The following PCDH15 variants were observed in gnomAD, a reference collection of about 807,000 sequenced individuals.
PCDH15 encodes protocadherin-15.
A neutral mutation model predicts 178.5 loss-of-function variants in PCDH15; 129 were observed. The ratio of observed to expected loss-of-function variants is 0.72; its 90% CI spans 0.63 to 0.84. The LOEUF is 0.84. PCDH15 is among the 40% of genes least tolerant of loss of function. The probability of loss-of-function intolerance (pLI) is 0.00; values close to 1 mark genes in which losing one functional copy is unlikely to be tolerated. For synonymous variants in PCDH15, 800 were observed against 732.0 expected, an observed-to-expected ratio of 1.09 and a Z score of -1.50; for missense variants, 2,230 against 2,099.9, an observed-to-expected ratio of 1.06 and a Z score of -1.21.
At chr10:54,369,055 T>G (rs1947241909) in intron 5 of PCDH15, 65 bp downstream of exon 5, 1 of 1,536,048 alleles carries the variant, frequency 6.5e-7, no homozygotes, top group East Asian at 2.3e-5. Context: ...TTATAAACAT[T>G]TATTGTATAT....
At chr10:54,342,299 CATGGCATCCT>C (rs1565018974) in intron 6 of PCDH15, among the ~76,000 whole-genome samples, 1 of 152,178 alleles carries the variant, frequency 6.6e-6, no homozygotes, top group Non-Finnish European at 1.5e-5. Flanking sequence ...AGCCTTAGGA[CATGGCATCCT>C]ATGTCCCTGC....
chr10:54,532,477 G>A (rs1565523043), intron 2 of PCDH15, among the ~76,000 whole-genome samples: 1 of 151,902 alleles, frequency 6.6e-6, no homozygotes, highest in Non-Finnish European at 1.5e-5. Context: ...ATGATTACTT[G>A]ATTCTTCACA....
At chr10:54,238,422 A>G (rs1354476249) in intron 8 of PCDH15, among the ~76,000 whole-genome samples, 1 of 152,030 alleles carries the variant, frequency 6.6e-6, no homozygotes, top group Non-Finnish European at 1.5e-5. Flanking sequence ...TAGACATTGT[A>G]TGGGGTTTCT....
chr10:55,490,115 T>C (rs1840379867), intron 2 of PCDH15, among the ~76,000 whole-genome samples: 1 of 151,700 alleles, frequency 6.6e-6, no homozygotes, highest in Non-Finnish European at 1.5e-5. Context: ...CTGTCATGCA[T>C]GTAAAAAGGG....
At chr10:54,807,796 A>G (rs1049927927) in intron 3 of PCDH15, among the ~76,000 whole-genome samples, 3 of 150,684 alleles carry the variant, frequency 2.0e-5, no homozygotes, top group Non-Finnish European at 4.4e-5. Context: ...AAGCTATTTA[A>G]TAGGTAATGA....
intron 2 of PCDH15, among the ~76,000 whole-genome samples, chr10:54,626,872 G>A (rs1182258480): frequency 6.6e-6 from 1 of 152,188 alleles, no homozygotes; most frequent in Admixed American, 6.5e-5. Flanking sequence ...AGCTGGGAAT[G>A]AGACTGTAGC....
At chr10:55,060,667 C>A (rs548098315) in intron 2 of PCDH15, among the ~76,000 whole-genome samples, 42 of 151,362 alleles carry the variant, frequency 2.8e-4, no homozygotes, top group Non-Finnish European at 5.2e-4. Context: ...ATAGGGGAAG[C>A]AAAATAAAAT....
At chr10:54,992,020 C>T (rs1839512959) in intron 2 of PCDH15, among the ~76,000 whole-genome samples, 7 of 151,660 alleles carry the variant, frequency 4.6e-5, no homozygotes. Context: ...ATTATTTCCC[C>T]AAAATTAAAA....
At chr10:54,920,653 G>A (rs578080370) in intron 2 of PCDH15, among the ~76,000 whole-genome samples, 101 of 152,012 alleles carry the variant, frequency 6.6e-4, no homozygotes, top group Non-Finnish European at 9.9e-4. Context: ...TATTGAACCC[G>A]CAGAATACAC....
At chr10:54,376,203 T>C (rs1948405422) in intron 4 of PCDH15, among the ~76,000 whole-genome samples, 2 of 152,038 alleles carry the variant, frequency 1.3e-5, no homozygotes, top group South Asian at 4.1e-4. Flanking sequence ...CCCATATTTT[T>C]TATTTTGATT....
intron 26 of PCDH15, among the ~76,000 whole-genome samples, chr10:53,888,664 GATATATATATATATAT>G (rs59914675): frequency 0.056 from 950 of 17,010 alleles, 61 homozygotes; most frequent in African/African-American, 0.089. Context: ...AGTTAAGTTT[GATATATATATATATAT>G]ATATATATAT....
intron 11 of PCDH15, among the ~76,000 whole-genome samples, chr10:54,187,528 T>C (rs1336821379): frequency 6.6e-6 from 1 of 151,864 alleles, no homozygotes; most frequent in African/African-American, 2.4e-5. Flanking sequence ...CAATACTCCA[T>C]AAATAGACTT....
At chr10:54,064,452 C>A (rs1424874714) in intron 18 of PCDH15, among the ~76,000 whole-genome samples, 1 of 152,176 alleles carries the variant, frequency 6.6e-6, no homozygotes, top group Non-Finnish European at 1.5e-5. Flanking sequence ...TTCAGGCCAT[C>A]CCTGGCTTGA....
chr10:54,546,312 A>C (rs1046266489), intron 2 of PCDH15, among the ~76,000 whole-genome samples: 1 of 152,178 alleles, frequency 6.6e-6, no homozygotes, highest in Non-Finnish European at 1.5e-5. Flanking sequence ...TGGGATGAGT[A>C]ATTCTCATGG....
intron 15 of PCDH15, among the ~76,000 whole-genome samples, chr10:54,127,851 C>T (rs1005994713): frequency 3.3e-5 from 5 of 152,116 alleles, no homozygotes; most frequent in African/African-American, 1.2e-4. Context: ...AATGATGTCT[C>T]AATTTATGTC....
chr10:54,085,135 CAG>C (rs1376333982), intron 16 of PCDH15, among the ~76,000 whole-genome samples: 1 of 151,916 alleles, frequency 6.6e-6, no homozygotes, highest in African/African-American at 2.4e-5. Flanking sequence ...GCTGAGCTGT[CAG>C]GGAATAAAAT....
chr10:53,890,748 T>C (rs745554481), intron 26 of PCDH15, among the ~76,000 whole-genome samples: 50 of 152,310 alleles, frequency 3.3e-4, no homozygotes, highest in Middle Eastern at 6.8e-3. Flanking sequence ...AATCCAGGCA[T>C]TTCATTGCCT....
At chr10:55,111,567 G>A (rs560348937) in intron 2 of PCDH15, among the ~76,000 whole-genome samples, 1 of 152,120 alleles carries the variant, frequency 6.6e-6, no homozygotes, top group African/African-American at 2.4e-5. Context: ...CTTTTTGACG[G>A]GTGCAGTGGC....
intron 7 of PCDH15, among the ~76,000 whole-genome samples, chr10:54,326,463 C>G (rs1175886588): frequency 6.6e-6 from 1 of 151,982 alleles, no homozygotes; most frequent in Non-Finnish European, 1.5e-5. Flanking sequence ...AGTAAAGTAC[C>G]AGTATTTTAG....
Sources: allele counts gnomAD v4.1 joint callset (sites outside exome capture counted in the v4.1 genomes callset), GRCh38; gene constraint gnomAD v4.1.1; transcripts MANE v1.5; gene names NCBI Gene and HGNC (gene_info 2026-07-23, HGNC 2026-07-21).